Variants in RBFOX1 observed in about 807,000 individuals in gnomAD.
RBFOX1 encodes RNA binding fox-1 homolog 1.
Under a neutral mutation model 57.7 loss-of-function variants are expected in RBFOX1, and 8 were observed. The observed-to-expected ratio is 0.14, with a 90% CI of 0.08 to 0.25. The LOEUF is 0.25. RBFOX1 is among the 10% of genes least tolerant of loss of function. The probability of loss-of-function intolerance (pLI) is 1.00; values close to 1 mark genes in which losing one functional copy is unlikely to be tolerated. For missense variants in RBFOX1, 611 were observed against 548.5 expected (o/e 1.11, Z -1.14); for synonymous variants, 326 against 222.4 (o/e 1.47, Z -4.15).
In RBFOX1 at chr16:7,033,339, G is replaced by A. The variant is rs556592879; in HGVS notation, c.-15-18718G>A. 3.3e-5 allele frequency among the ~76,000 whole-genome samples: 5 copies of A among 152,274 alleles called. No homozygotes were observed. The South Asian group carries it at 1.0e-3, about 32-fold the overall frequency. On this transcript the variant is annotated intron_variant, in intron 3 of 15. Coordinates refer to ENST00000550418, the MANE Select transcript of RBFOX1 (RefSeq NM_018723.4). The stretch of plus-strand genomic sequence containing the variant: ...GTTTGAGACCAGCCTGGCTGACATG[G>A]TGAAACCCCGTCTCTACTAAAAATA...
chr16:7,166,858 G>A (rs541051694), intron 4 of RBFOX1, among the ~76,000 whole-genome samples: 13 of 152,046 alleles, frequency 8.6e-5, no homozygotes, highest in African/African-American at 2.4e-4. Flanking sequence ...GGTGGTGCAG[G>A]ATCCACGCTG....
chr16:6,857,031 T>A (rs987206162), intron 3 of RBFOX1, among the ~76,000 whole-genome samples: 1 of 152,200 alleles, frequency 6.6e-6, no homozygotes, highest in East Asian at 1.9e-4. Context: ...AATGGCTTAC[T>A]GCAAATCGTG....
chr16:7,000,845 G>A (rs558452074), intron 3 of RBFOX1, among the ~76,000 whole-genome samples: 10 of 151,908 alleles, frequency 6.6e-5, no homozygotes, highest in South Asian at 2.1e-4. Flanking sequence ...CTTGTGATCC[G>A]CCCGCCTCGG....
At chr16:7,411,358 C>T (rs148342196) in intron 4 of RBFOX1, among the ~76,000 whole-genome samples, 145 of 152,024 alleles carry the variant, frequency 9.5e-4, no homozygotes, top group African/African-American at 3.3e-3. Flanking sequence ...TTAGTTTCCC[C>T]GACAGTGTAT....
At chr16:5,646,182 A>T (rs866709896) in intron 3 of RBFOX1, among the ~76,000 whole-genome samples, 144 of 133,656 alleles carry the variant, frequency 1.1e-3, no homozygotes, top group Non-Finnish European at 1.4e-3. Flanking sequence ...GGCACGTGCT[A>T]TTTTTTTTTT....
chr16:7,161,374 C>T (rs9673900), intron 4 of RBFOX1, among the ~76,000 whole-genome samples: 102,014 of 152,028 alleles, frequency 0.67, 35,316 homozygotes, highest in Non-Finnish European at 0.76. Context: ...TAACAAAATT[C>T]ATCATATATT....
At chr16:7,593,879 C>T (rs2094561945) in intron 7 of RBFOX1, among the ~76,000 whole-genome samples, 2 of 152,086 alleles carry the variant, frequency 1.3e-5, no homozygotes, top group East Asian at 3.9e-4. Context: ...AATCATCTAC[C>T]CTCACTTGAA....
intron 4 of RBFOX1, among the ~76,000 whole-genome samples, chr16:7,303,401 C>T (rs1450693848): frequency 2.0e-5 from 3 of 152,068 alleles, no homozygotes; most frequent in East Asian, 1.9e-4. Context: ...GCAAGGAATC[C>T]GGCAAACGCA....
intron 3 of RBFOX1, among the ~76,000 whole-genome samples, chr16:5,696,026 G>A (rs960757038): frequency 1.3e-5 from 2 of 152,214 alleles, no homozygotes; most frequent in South Asian, 2.1e-4. Context: ...TGTCAAACAC[G>A]GTTTTAGATT....
At chr16:6,609,137 TACCA>T (rs2097996985) in intron 2 of RBFOX1, among the ~76,000 whole-genome samples, 2 of 152,224 alleles carry the variant, frequency 1.3e-5, no homozygotes, top group South Asian at 4.2e-4. Context: ...GATTCCCTTT[TACCA>T]TGTCATATGA....
At position 6,604,250 on chromosome 16, in the gene RBFOX1, A is replaced by T. The variant is rs184788491; in HGVS notation, c.-63-50353A>T. The stretch of plus-strand genomic sequence containing the variant: ...GAGCCATGATAGGTGCACCATGTCT[A>T]TCAAAGCCATCAAAATGGCTATTTT... On this transcript the variant is annotated intron_variant, in intron 2 of 15. Coordinates refer to ENST00000550418, the MANE Select transcript of RBFOX1 (RefSeq NM_018723.4). 7.8e-4 allele frequency among the ~76,000 whole-genome samples: 119 copies of T among 152,226 alleles called. 2 individuals carry two copies. Among genetic ancestry groups the T allele is most frequent in the Non-Finnish European group, 3.4e-4 (23 of 68,008 alleles).
intron 3 of RBFOX1, among the ~76,000 whole-genome samples, chr16:6,834,773 C>G (rs527827824): frequency 1.1e-4 from 17 of 152,228 alleles, no homozygotes; most frequent in African/African-American, 3.1e-4. Context: ...ACTCAGGTAA[C>G]TGTGGCTCTC....
Position 5,248,896 on chromosome 16 carries a change from G to A in RBFOX1, c.219+8791G>A, listed in dbSNP as rs8044963. ...CCAGCTACTCGGGAAGCTGAGCCACGTGAATTGCTTGAACCCGGGAGGTGG... is the reference window on the plus strand; with the variant it reads ...CCAGCTACTCGGGAAGCTGAGCCACATGAATTGCTTGAACCCGGGAGGTGG... On this transcript the variant is annotated intron_variant, in intron 1 of 2. Coordinates refer to the RBFOX1 transcript ENST00000585867. Among the ~76,000 whole-genome samples the A allele has an allele frequency of 4.6e-3, 683 of 149,032 alleles. 5 individuals are homozygous for A. The highest frequency in any genetic ancestry group is 0.016 in the African/African-American group (654 of 40,404).
chr16:6,930,158 G>T (rs2076271779), intron 3 of RBFOX1, among the ~76,000 whole-genome samples: 1 of 152,190 alleles, frequency 6.6e-6, no homozygotes, highest in African/African-American at 2.4e-5. Flanking sequence ...ATAAAGAGAA[G>T]AGAGATATTA....
At chr16:5,496,306 G>A (rs2042999744) in intron 2 of RBFOX1, among the ~76,000 whole-genome samples, 2 of 152,098 alleles carry the variant, frequency 1.3e-5, no homozygotes, top group Admixed American at 1.3e-4. Flanking sequence ...TCAAGAGCCT[G>A]GACATTGGCT....
intron 2 of RBFOX1, among the ~76,000 whole-genome samples, chr16:5,472,895 A>G (rs1248617128): frequency 6.6e-6 from 1 of 152,214 alleles, no homozygotes; most frequent in Non-Finnish European, 1.5e-5. Flanking sequence ...AGGTTGTCGT[A>G]GGGGATCCAG....
chr16:5,440,762 C>A (rs2068059854), intron 1 of RBFOX1, among the ~76,000 whole-genome samples: 1 of 152,238 alleles, frequency 6.6e-6, no homozygotes, highest in African/African-American at 2.4e-5. Context: ...GGGATAAATT[C>A]AAGGGTAGTT....
chr16:5,653,836 C>G (rs2151373189), intron 3 of RBFOX1, among the ~76,000 whole-genome samples: 1 of 152,302 alleles, frequency 6.6e-6, no homozygotes, highest in African/African-American at 2.4e-5. Context: ...GATGCTGGGT[C>G]AGGGGTCCGT....
intron 4 of RBFOX1, among the ~76,000 whole-genome samples, chr16:7,361,406 G>A (rs972895969): frequency 1.3e-4 from 20 of 152,140 alleles, no homozygotes; most frequent in South Asian, 4.1e-4. Context: ...ATCAAAGAAC[G>A]AGGCTGCGGC....
Sources: gnomAD v4.1 joint callset for allele counts (sites outside exome capture counted in the v4.1 genomes callset) on GRCh38, gnomAD v4.1.1 for gene constraint, MANE v1.5 for transcripts, NCBI Gene and HGNC (gene_info 2026-07-23, HGNC 2026-07-21) for gene names.